KAZN: variants seen among roughly 807,000 people sequenced by gnomAD.
The protein encoded by KAZN is kazrin.
In KAZN, 40 loss-of-function variants were observed where a neutral mutation model predicts 87.4. The observed-to-expected ratio is 0.46, with a 90% CI of 0.36 to 0.60. The LOEUF (loss-of-function observed/expected upper bound fraction) is 0.60. Ranked by LOEUF, KAZN falls within the 20% of genes least tolerant of loss-of-function variation. The probability of loss-of-function intolerance (pLI) is 0.00; values close to 1 mark genes in which losing one functional copy is unlikely to be tolerated. For missense variants in KAZN, 898 were observed against 1,073.9 expected (o/e 0.84, Z 2.29); for synonymous variants, 466 against 458.3 (o/e 1.02, Z -0.22).
At chr1:14,210,767 AATT>A (rs34805368) in intron 2 of KAZN, among the ~76,000 whole-genome samples, 50,186 of 151,812 alleles carry the variant, frequency 0.33, 10,028 homozygotes, top group Non-Finnish European at 0.45. Context: ...TACTTATAAA[AATT>A]ATTATACTAA....
intron 1 of KAZN, among the ~76,000 whole-genome samples, chr1:13,902,726 T>C (rs898560932): frequency 6.6e-6 from 1 of 152,200 alleles, no homozygotes. Context: ...ATGTTTGAGA[T>C]GATGAATATT....
intron 1 of KAZN, among the ~76,000 whole-genome samples, chr1:14,879,270 G>A (rs74059644): frequency 0.02 from 3,016 of 152,272 alleles, 100 homozygotes; most frequent in African/African-American, 0.068. Flanking sequence ...TCACCATCTC[G>A]TGAGGTGGTT....
chr1:14,527,998 CCTAT>C (rs200376042), intron 2 of KAZN, among the ~76,000 whole-genome samples: 33,504 of 145,092 alleles, frequency 0.23, 3,811 homozygotes, highest in East Asian at 0.33. Flanking sequence ...GGTCTAGAAT[CCTAT>C]CTATCTATCT....
intron 2 of KAZN, among the ~76,000 whole-genome samples, chr1:14,423,930 C>T (rs1198539721): frequency 6.6e-6 from 1 of 152,164 alleles, no homozygotes; most frequent in Non-Finnish European, 1.5e-5. Flanking sequence ...GAGAATTAAG[C>T]CCAACAGAGG....
intron 1 of KAZN, among the ~76,000 whole-genome samples, chr1:14,153,057 C>T (rs2101804072): frequency 6.6e-6 from 1 of 152,254 alleles, no homozygotes; most frequent in East Asian, 1.9e-4. Flanking sequence ...ATTTTTCCTA[C>T]AGAGTTGTTT....
chr1:14,520,798 G>A (rs544553579), intron 2 of KAZN, among the ~76,000 whole-genome samples: 58 of 152,304 alleles, frequency 3.8e-4, no homozygotes, highest in African/African-American at 1.0e-3. Context: ...AACCAAAGAT[G>A]GTTTTGTTTT....
intron 1 of KAZN, among the ~76,000 whole-genome samples, chr1:14,665,932 CAA>C (rs60081619): frequency 0.16 from 16,813 of 107,890 alleles, 968 homozygotes; most frequent in South Asian, 0.19. Context: ...AAGCTTTGCT[CAA>C]AAAAAAAAAA....
At chr1:14,156,060 A>C (rs906770457) in intron 1 of KAZN, among the ~76,000 whole-genome samples, 2 of 152,066 alleles carry the variant, frequency 1.3e-5, no homozygotes, top group East Asian at 3.9e-4. Flanking sequence ...ATTGCAAGAA[A>C]TTTTTTAATT....
chr1:14,645,680 T>C (rs1293083342), intron 1 of KAZN, among the ~76,000 whole-genome samples: 4 of 152,218 alleles, frequency 2.6e-5, no homozygotes, highest in African/African-American at 7.2e-5. Context: ...TACAGAATCA[T>C]GTCGTCTGCC....
chr1:14,478,819 T>G (rs1290316051), intron 2 of KAZN, among the ~76,000 whole-genome samples: 1 of 152,200 alleles, frequency 6.6e-6, no homozygotes, highest in Non-Finnish European at 1.5e-5. Context: ...TCAGAGTGTG[T>G]CCTGGTTTGG....
chr1:15,013,776 G>C (rs552633633), intron 2 of KAZN, among the ~76,000 whole-genome samples: 1 of 151,906 alleles, frequency 6.6e-6, no homozygotes, highest in South Asian at 2.1e-4. Flanking sequence ...AGAGAGAGAT[G>C]GGAGAACAGT....
At chr1:14,478,629 C>A (rs1668904333) in intron 2 of KAZN, among the ~76,000 whole-genome samples, 1 of 152,220 alleles carries the variant, frequency 6.6e-6, no homozygotes, top group East Asian at 1.9e-4. Context: ...CTCGCCCATC[C>A]TCAATGAATC....
chr1:13,982,679 A>G (rs1168004982), intron 1 of KAZN, among the ~76,000 whole-genome samples: 1 of 152,192 alleles, frequency 6.6e-6, no homozygotes, highest in Non-Finnish European at 1.5e-5. Flanking sequence ...TCCCTGAGCT[A>G]GACACAAAGG....
chr1:14,884,779 T>C (rs1486530851), intron 1 of KAZN, among the ~76,000 whole-genome samples: 4 of 152,230 alleles, frequency 2.6e-5, no homozygotes, highest in African/African-American at 7.2e-5. Flanking sequence ...ACACTGTGAA[T>C]AGCCAGAGGC....
intron 1 of KAZN, chr1:14,924,695 A>T (rs1236771917): frequency 4.5e-6 from 2 of 447,224 alleles, no homozygotes; most frequent in East Asian, 3.1e-4. Context: ...AAGTTCTCGC[A>T]GCGCGCGGAG....
At chr1:14,687,521 G>T (rs896737676) in intron 1 of KAZN, among the ~76,000 whole-genome samples, 8 of 152,220 alleles carry the variant, frequency 5.3e-5, no homozygotes, top group African/African-American at 1.9e-4. Flanking sequence ...GGAAAAGCGT[G>T]TGTGCTCTGG....
At chr1:13,966,014 G>C (rs1641929168) in intron 1 of KAZN, among the ~76,000 whole-genome samples, 1 of 152,128 alleles carries the variant, frequency 6.6e-6, no homozygotes, top group African/African-American at 2.4e-5. Context: ...AAAAAGCAGG[G>C]AGAGGGAGCA....
At chr1:14,622,991 T>C (rs141559768) in intron 1 of KAZN, among the ~76,000 whole-genome samples, 1 of 152,086 alleles carries the variant, frequency 6.6e-6, no homozygotes, top group Non-Finnish European at 1.5e-5. Context: ...GAAAAGAGAA[T>C]GCTTATACAC....
chr1:14,253,856 G>A (rs1274812006), intron 2 of KAZN, among the ~76,000 whole-genome samples: 1 of 150,992 alleles, frequency 6.6e-6, no homozygotes, highest in Non-Finnish European at 1.5e-5. Flanking sequence ...TGTCGCAGAT[G>A]TATGAGCTCC....
Sources: allele counts gnomAD v4.1 joint callset (sites outside exome capture counted in the v4.1 genomes callset), GRCh38; gene constraint gnomAD v4.1.1; transcripts MANE v1.5; gene names NCBI Gene and HGNC (gene_info 2026-07-23, HGNC 2026-07-21).